The following ADARB1 variants were observed in gnomAD, a reference collection of about 807,000 sequenced individuals.
ADARB1 encodes the protein double-stranded RNA-specific editase 1.
In ADARB1, 10 loss-of-function variants were observed where a neutral mutation model predicts 52.4. That is an observed-to-expected ratio of 0.19 (90% CI 0.12 to 0.32). The LOEUF (loss-of-function observed/expected upper bound fraction) is 0.32, where lower values mean the gene tolerates loss of function less well. Among genes scored for constraint, ADARB1 ranks in the 10% least tolerant of loss-of-function variants. The pLI is 1.00. For synonymous variants in ADARB1, 349 were observed against 371.1 expected (o/e 0.94, Z 0.68); for missense variants, 643 against 922.3 (o/e 0.70, Z 3.92).
chr21:45,142,230 CCTT>C lies in ADARB1; in HGVS notation c.-48+13661_-48+13663del, dbSNP rs2089769360. ...AGTGTCTCCTTTTTTTGGGCTCCTG[CCTT>C]CTTTTTGTTTTTCAAATCGAACACC... On this transcript the variant is annotated intron_variant, in intron 2 of 10. Transcript: ENST00000348831. The surrounding 1 kb of genome is among the most constrained non-coding windows in gnomAD (Gnocchi z 4.0). 6.6e-6 allele frequency among the ~76,000 whole-genome samples: 1 copy of C among 152,200 alleles called. No individual in the cohort carries two copies. Among genetic ancestry groups the C allele is most frequent in the Admixed American group, 6.5e-5 (1 of 15,286 alleles).
intron 2 of ADARB1, among the ~76,000 whole-genome samples, chr21:45,159,305 C>T (rs531979538): frequency 1.7e-4 from 26 of 152,256 alleles, no homozygotes; most frequent in South Asian, 4.1e-4. Flanking sequence ...CATGAGACTT[C>T]TTCACTACCA....
At chr21:45,166,850 G>A (rs1347116342) in intron 2 of ADARB1, among the ~76,000 whole-genome samples, 2 of 150,210 alleles carry the variant, frequency 1.3e-5, no homozygotes, top group African/African-American at 4.9e-5. Flanking sequence ...AAATGAAGAG[G>A]TTGTTTTGAA....
At chr21:45,180,733 GC>G (rs1184937219) in intron 5 of ADARB1, among the ~76,000 whole-genome samples, 1 of 152,154 alleles carries the variant, frequency 6.6e-6, no homozygotes. Context: ...CTGGAAGATG[GC>G]AAGGGGCTTA....
intron 1 of ADARB1, among the ~76,000 whole-genome samples, chr21:45,118,149 T>G (rs2087933710): frequency 6.6e-6 from 1 of 152,268 alleles, no homozygotes; most frequent in African/African-American, 2.4e-5. Flanking sequence ...AATGTAATTC[T>G]GCCTCACCAA....
intron 2 of ADARB1, among the ~76,000 whole-genome samples, chr21:45,143,549 T>A (rs1569063217): frequency 6.6e-6 from 1 of 152,188 alleles, no homozygotes; most frequent in Admixed American, 6.5e-5. Context: ...AAAGCCCGTG[T>A]CCAAGATGCT....
intron 2 of ADARB1, among the ~76,000 whole-genome samples, chr21:45,165,371 C>T (rs1424830516): frequency 6.6e-6 from 1 of 152,106 alleles, no homozygotes; most frequent in Non-Finnish European, 1.5e-5. Context: ...GAATATTGTA[C>T]ATTATTATTC....
rs2092984854 is a variant in ADARB1, at chr21:45,222,508, T to C, written c.*311T>C. The C allele has an allele frequency of 1.7e-6, 2 of 1,157,774 alleles. No individual in the cohort carries two copies. Among genetic ancestry groups the C allele is most frequent in the South Asian group, 4.2e-5 (1 of 23,754 alleles). The allele number at this position is 1,157,774 out of a possible 1,614,324, so 71.7% of individuals were successfully genotyped here. Reference sequence around the variant, plus strand: ...TTTACGTTTAGAAATTGAGTTCTACTGAGTAGGGCTTCCTTAAGTTTAGGA... The same window carrying C: ...TTTACGTTTAGAAATTGAGTTCTACCGAGTAGGGCTTCCTTAAGTTTAGGA... On this transcript the variant is annotated 3_prime_UTR_variant, in exon 11 of 11. Coordinates refer to ENST00000348831, the MANE Select transcript of ADARB1 (RefSeq NM_001112.4).
intron 8 of ADARB1, among the ~76,000 whole-genome samples, chr21:45,195,925 C>A (rs1166719517): frequency 1.3e-5 from 2 of 152,148 alleles, no homozygotes; most frequent in African/African-American, 4.8e-5. Flanking sequence ...AGGAACAGTT[C>A]ATCAATATCT....
intron 1 of ADARB1, among the ~76,000 whole-genome samples, chr21:45,116,023 A>G (rs184391697): frequency 2.6e-5 from 4 of 152,248 alleles, no homozygotes; most frequent in Admixed American, 2.0e-4. Flanking sequence ...TGTATGTTGC[A>G]TTCTTGCTGA....
intron 1 of ADARB1, among the ~76,000 whole-genome samples, chr21:45,095,247 T>C (rs1360226252): frequency 6.6e-6 from 1 of 152,246 alleles, no homozygotes; most frequent in African/African-American, 2.4e-5. Context: ...GCAGCCTACC[T>C]GCCCCCAGCC....
At chr21:45,163,649 G>A (rs556835434) in intron 2 of ADARB1, among the ~76,000 whole-genome samples, 8 of 152,340 alleles carry the variant, frequency 5.3e-5, no homozygotes, top group East Asian at 1.9e-4. Flanking sequence ...CCACAGCAGC[G>A]AGCCTTGTGC....
At position 45,208,640 on chromosome 21, in the gene ADARB1, G is replaced by C. The variant is rs112364093; in HGVS notation, c.1747+3904G>C. On this transcript the variant is annotated intron_variant, in intron 9 of 10. Transcript: ENST00000348831. The surrounding 1 kb of genome is among the most constrained non-coding windows in gnomAD (Gnocchi z 5.6). ...TGTATGTGTGCGTGTGTGTGTGTGT[G>C]AGTGCATGTGAGTGTGTGCATGAGT... is the stretch of plus-strand genomic sequence containing the variant. 6.9e-3 allele frequency among the ~76,000 whole-genome samples: 1,052 copies of C among 151,902 alleles called. 16 individuals carry two copies. Among genetic ancestry groups the C allele is most frequent in the African/African-American group, 0.024 (1,005 of 41,336 alleles).
intron 1 of ADARB1, among the ~76,000 whole-genome samples, chr21:45,109,625 C>T (rs1569016268): frequency 1.3e-5 from 2 of 151,684 alleles, no homozygotes; most frequent in Admixed American, 1.3e-4. Flanking sequence ...TTTGTCCCAT[C>T]CTCCTGGCAT....
intron 1 of ADARB1, among the ~76,000 whole-genome samples, chr21:45,094,530 C>T (rs79188889): frequency 0.014 from 2,180 of 152,304 alleles, 50 homozygotes; most frequent in African/African-American, 0.05. Flanking sequence ...GGCGCCCCGC[C>T]AGATCAGGGA....
intron 1 of ADARB1, among the ~76,000 whole-genome samples, chr21:45,124,682 A>G (rs1320792540): frequency 6.6e-6 from 1 of 151,410 alleles, no homozygotes; most frequent in Non-Finnish European, 1.5e-5. Context: ...CTGGCTTCTA[A>G]TTCTTTAATG....
intron 5 of ADARB1, among the ~76,000 whole-genome samples, chr21:45,182,080 C>T (rs1378508736): frequency 3.9e-5 from 6 of 152,216 alleles, no homozygotes; most frequent in Admixed American, 6.5e-5. Flanking sequence ...GATTTCACTC[C>T]GAGTGTGGTT....
chr21:45,098,654 C>G (rs1308082180), intron 1 of ADARB1, among the ~76,000 whole-genome samples: 2 of 152,340 alleles, frequency 1.3e-5, no homozygotes, highest in Non-Finnish European at 2.9e-5. Context: ...TCAAACCTGC[C>G]TCATTCCCGT....
intron 1 of ADARB1, among the ~76,000 whole-genome samples, chr21:45,103,277 G>T (rs2087105593): frequency 6.6e-6 from 1 of 152,014 alleles, no homozygotes; most frequent in Non-Finnish European, 1.5e-5. Context: ...TTGGCACCAG[G>T]GACTGGTGAC....
intron 1 of ADARB1, among the ~76,000 whole-genome samples, chr21:45,096,670 A>G (rs1289937445): frequency 3.9e-5 from 6 of 152,208 alleles, no homozygotes; most frequent in African/African-American, 1.4e-4. Flanking sequence ...AGAACCCATC[A>G]TTGTCACCCA....
Sources: allele counts gnomAD v4.1 joint callset (sites outside exome capture counted in the v4.1 genomes callset), GRCh38; gene constraint gnomAD v4.1.1; non-coding constraint Gnocchi (gnomAD v3.1); transcripts MANE v1.5; gene names NCBI Gene and HGNC (gene_info 2026-07-23, HGNC 2026-07-21).